The following FSTL4 variants were observed in gnomAD, a reference collection of about 807,000 sequenced individuals.
The protein encoded by FSTL4 is follistatin-related protein 4.
Under a neutral mutation model 78.2 loss-of-function variants are expected in FSTL4, and 28 were observed. The observed-to-expected ratio is 0.36, with a 90% CI of 0.27 to 0.49. FSTL4 has a LOEUF of 0.49. Among genes scored for constraint, FSTL4 ranks in the 20% least tolerant of loss-of-function variants. FSTL4 has a pLI of 0.98. For synonymous variants in FSTL4, 422 were observed against 440.5 expected (o/e 0.96, Z 0.53); for missense variants, 922 against 1,084.9 (o/e 0.85, Z 2.11).
At chr5:133,503,024 T>C (rs1014333195) in intron 3 of FSTL4, among the ~76,000 whole-genome samples, 1 of 152,226 alleles carries the variant, frequency 6.6e-6, no homozygotes, top group African/African-American at 2.4e-5. Flanking sequence ...TTTGTGGTAA[T>C]TTGTTACAGC....
the FSTL4 span, among the ~76,000 whole-genome samples, chr5:133,651,627 T>C: frequency 1.3e-5 from 2 of 151,468 alleles, no homozygotes; most frequent in South Asian, 4.2e-4. Flanking sequence ...TAAACATTGT[T>C]GGATTTGATT....
the FSTL4 span, among the ~76,000 whole-genome samples, chr5:133,700,062 C>T: frequency 6.6e-6 from 1 of 152,122 alleles, no homozygotes; most frequent in Admixed American, 6.5e-5. Flanking sequence ...GCAGGATCAA[C>T]AGCCAGGTGG....
At chr5:133,279,540 G>T (rs939078584) in intron 6 of FSTL4, among the ~76,000 whole-genome samples, 2 of 152,222 alleles carry the variant, frequency 1.3e-5, no homozygotes, top group Non-Finnish European at 2.9e-5. Flanking sequence ...CTGAGTCTGG[G>T]TTGGCCACGT....
intron 3 of FSTL4, among the ~76,000 whole-genome samples, chr5:133,496,820 C>T (rs1450532727): frequency 6.6e-6 from 1 of 152,166 alleles, no homozygotes; most frequent in Admixed American, 6.5e-5. Flanking sequence ...ACCAAGCCAT[C>T]GTAAGCCACT....
chr5:133,471,885 T>G (rs777145961), intron 3 of FSTL4, among the ~76,000 whole-genome samples: 1 of 152,190 alleles, frequency 6.6e-6, no homozygotes, highest in Non-Finnish European at 1.5e-5. Flanking sequence ...TCATCCCCCT[T>G]GCTCTAGAGG....
chr5:133,612,362 G>A lies in FSTL4; in HGVS notation c.-48C>T, dbSNP rs1227174501. The A allele has an allele frequency of 3.3e-5, 5 of 151,720 alleles. No individual in the cohort carries two copies. Among genetic ancestry groups the A allele is most frequent in the South Asian group, 2.1e-4 (1 of 4,816 alleles). The allele number at this position is 151,720 out of a possible 1,614,324, so 9.4% of individuals were successfully genotyped here. On this transcript the variant is annotated 5_prime_UTR_variant, in exon 1 of 16. Coordinates refer to ENST00000265342, the MANE Select transcript of FSTL4 (RefSeq NM_015082.2). This position sits in a 1 kb window ranked among gnomAD's most constrained non-coding sequence, Gnocchi z 6.2. ...GGGCCGAGGGGAAGACCAGGTGGCC[G>A]GACTTGGGCGGGAGGGAGGGAGCAC...
intron 6 of FSTL4, among the ~76,000 whole-genome samples, chr5:133,275,172 G>C (rs1418300478): frequency 6.6e-6 from 1 of 151,976 alleles, no homozygotes; most frequent in Non-Finnish European, 1.5e-5. Flanking sequence ...GCTGAGGCAG[G>C]AGAATCACTT....
At chr5:133,719,398 G>A in the FSTL4 span, among the ~76,000 whole-genome samples, 30 of 152,072 alleles carry the variant, frequency 2.0e-4, no homozygotes, top group African/African-American at 6.8e-4. Context: ...GGCCAGGCGC[G>A]ATGGCTCACA....
At chr5:133,761,322 T>A in the FSTL4 span, among the ~76,000 whole-genome samples, 1 of 152,190 alleles carries the variant, frequency 6.6e-6, no homozygotes, top group African/African-American at 2.4e-5. Context: ...AAAAATTGCT[T>A]GTTTTAAATA....
chr5:133,445,513 TG>T (rs1231540374), intron 3 of FSTL4, among the ~76,000 whole-genome samples: 2 of 152,202 alleles, frequency 1.3e-5, no homozygotes, highest in African/African-American at 2.4e-5. Context: ...GCTGCAGTGC[TG>T]GGGTATGCTG....
intron 6 of FSTL4, among the ~76,000 whole-genome samples, chr5:133,305,160 G>A (rs1006264480): frequency 6.6e-6 from 1 of 152,196 alleles, no homozygotes; most frequent in African/African-American, 2.4e-5. Context: ...GCCTTCAAAG[G>A]CCAAGTCCAG....
chr5:133,304,194 G>A (rs1753609335), intron 6 of FSTL4, among the ~76,000 whole-genome samples: 1 of 152,182 alleles, frequency 6.6e-6, no homozygotes, highest in Non-Finnish European at 1.5e-5. Context: ...AGGACAATAT[G>A]GTGCTATCCT....
chr5:133,815,984 A>G, the FSTL4 span, among the ~76,000 whole-genome samples: 1 of 152,218 alleles, frequency 6.6e-6, no homozygotes, highest in South Asian at 2.1e-4. Context: ...GCAAAACATA[A>G]TGACATGTCT....
chr5:133,681,114 A>C, the FSTL4 span, among the ~76,000 whole-genome samples: 2,942 of 152,344 alleles, frequency 0.019, 38 homozygotes, highest in Non-Finnish European at 0.031. Context: ...GTGCAGCACC[A>C]ATCTCCTGGA....
At chr5:133,248,121 T>C (rs1416671454) in intron 7 of FSTL4, 2 of 152,296 alleles carry the variant, frequency 1.3e-5, no homozygotes, top group African/African-American at 4.8e-5. Flanking sequence ...GCGCCTCCTG[T>C]GGCGGCTCTG....
intron 4 of FSTL4, among the ~76,000 whole-genome samples, chr5:133,363,503 C>T (rs577385231): frequency 9.8e-5 from 15 of 152,294 alleles, no homozygotes; most frequent in Middle Eastern, 3.4e-3. Context: ...CCCTGACCAC[C>T]GCAGCCTGAA....
intron 3 of FSTL4, among the ~76,000 whole-genome samples, chr5:133,487,816 G>C (rs1254559374): frequency 6.6e-6 from 1 of 152,156 alleles, no homozygotes; most frequent in Non-Finnish European, 1.5e-5. Context: ...GGACTAGCAT[G>C]AGCACTTCGT....
the FSTL4 span, among the ~76,000 whole-genome samples, chr5:133,838,972 A>T: frequency 6.6e-6 from 1 of 152,228 alleles, no homozygotes. Context: ...CAATGGCTCC[A>T]GTTGTCCTTG....
At chr5:133,581,575 T>A (rs1268543013) in intron 2 of FSTL4, among the ~76,000 whole-genome samples, 1 of 152,234 alleles carries the variant, frequency 6.6e-6, no homozygotes, top group African/African-American at 2.4e-5. Context: ...AGGGAAGCTT[T>A]GTCCCCTGCA....
Sources: allele counts gnomAD v4.1 joint callset (sites outside exome capture counted in the v4.1 genomes callset), GRCh38; gene constraint gnomAD v4.1.1; non-coding constraint Gnocchi (gnomAD v3.1); transcripts MANE v1.5; gene names NCBI Gene and HGNC (gene_info 2026-07-23, HGNC 2026-07-21).